Variants in USP42 observed in about 807,000 individuals in gnomAD.
The protein encoded by USP42 is ubiquitin carboxyl-terminal hydrolase 42.
USP42 carries 23 observed loss-of-function variants against 113.0 expected under a neutral mutation model. The observed-to-expected ratio is 0.20, with a 90% CI of 0.15 to 0.29. USP42 has a LOEUF of 0.29. USP42 is among the 10% of genes least tolerant of loss of function. The pLI, the probability that USP42 is intolerant of heterozygous loss-of-function variation, is 1.00. For missense variants in USP42, 2,174 were observed against 1,779.8 expected (o/e 1.22, Z -3.99); for synonymous variants, 933 against 699.0 (o/e 1.33, Z -5.28).
Position 6,146,143 on chromosome 7 carries a change from T to C in USP42, c.1132-5T>C, listed in dbSNP as rs1473065588. ...TCTCTCTCTTTTATTGGCTCTCATT[T>C]ATAGGCTAGCAATGGCCTCTGGTAT... On this transcript the variant is annotated splice_region_variant and splice_polypyrimidine_tract_variant and intron_variant, in intron 10 of 17. Transcript: ENST00000306177. 6.4e-7 allele frequency: 1 copy of C among 1,562,562 alleles called. No individual in the cohort carries two copies. Among genetic ancestry groups the C allele is most frequent in the South Asian group, 1.2e-5 (1 of 84,554 alleles).
At chr7:6,127,454 T>G (rs1780601754) in intron 3 of USP42, among the ~76,000 whole-genome samples, 1 of 147,340 alleles carries the variant, frequency 6.8e-6, no homozygotes, top group African/African-American at 2.5e-5. Context: ...CCATTTTGAG[T>G]TTTTTTTTTT....
intron 4 of USP42, among the ~76,000 whole-genome samples, chr7:6,136,317 T>C (rs973989002): frequency 2.6e-5 from 4 of 152,176 alleles, no homozygotes; most frequent in Non-Finnish European, 5.9e-5. Context: ...TACCTAGTTA[T>C]TCTTAATGTC....
At chr7:6,141,440 G>C (rs1219013336) in intron 7 of USP42, among the ~76,000 whole-genome samples, 1 of 151,914 alleles carries the variant, frequency 6.6e-6, no homozygotes, top group Non-Finnish European at 1.5e-5. Flanking sequence ...TTGACCTCGT[G>C]ATCTGCCCAC....
intron 3 of USP42, among the ~76,000 whole-genome samples, chr7:6,129,559 GAA>G (rs34404773): frequency 1.8e-4 from 19 of 103,264 alleles, no homozygotes; most frequent in Admixed American, 3.2e-4. Context: ...TCTGCCTCAG[GAA>G]AAAAAAAAAA....
rs1782544877 is a variant in USP42, at chr7:6,157,739, G to A, written c.3943+684G>A. Among the ~76,000 whole-genome samples the A allele has an allele frequency of 2.6e-5, 4 of 152,180 alleles. No individual in the cohort carries two copies. Among genetic ancestry groups the A allele is most frequent in the Non-Finnish European group, 4.4e-5 (3 of 68,040 alleles). On this transcript the variant is annotated intron_variant, in intron 16 of 17. Coordinates refer to ENST00000306177, the MANE Select transcript of USP42 (RefSeq NM_032172.3). The surrounding 1 kb of genome is among the most constrained non-coding windows in gnomAD (Gnocchi z 4.1). Reference sequence around the variant, plus strand: ...CCTGATGCTCGGTACTGATTTGCTCGCTTGGTTCCTTAGAAGCGTGGGCAC... The same window carrying A: ...CCTGATGCTCGGTACTGATTTGCTCACTTGGTTCCTTAGAAGCGTGGGCAC...
chr7:6,150,542 C>T, intron 14 of USP42, 36 bp downstream of exon 14: 2 of 1,583,040 alleles, frequency 1.3e-6, no homozygotes, highest in African/African-American at 1.3e-5. Context: ...CGTGTGGCAG[C>T]ATAGTAGGAA....
intron 11 of USP42, 62 bp from the exon 12 acceptor site, chr7:6,147,677 A>G: frequency 6.7e-7 from 1 of 1,486,838 alleles, no homozygotes; most frequent in Non-Finnish European, 9.0e-7. Flanking sequence ...TTGACTTTGT[A>G]AATGAATCTC....
intron 8 of USP42, 24 bp from the exon 9 acceptor site, chr7:6,144,061 A>G: frequency 6.9e-7 from 1 of 1,447,120 alleles, no homozygotes; most frequent in South Asian, 1.3e-5. Context: ...GTCTTCTTAT[A>G]CTTTTGTTTC....
intron 3 of USP42, among the ~76,000 whole-genome samples, chr7:6,134,852 C>G (rs1382682322): frequency 6.6e-6 from 1 of 152,160 alleles, no homozygotes; most frequent in Non-Finnish European, 1.5e-5. Flanking sequence ...GTGGTGTGAT[C>G]ACAGCTTACT....
the USP42 span, among the ~76,000 whole-genome samples, chr7:6,093,364 C>T: frequency 2.0e-5 from 3 of 150,206 alleles, no homozygotes; most frequent in Non-Finnish European, 4.4e-5. Flanking sequence ...CAGCTCACTG[C>T]AACCTCCACC....
upstream of USP42, among the ~76,000 whole-genome samples, chr7:6,102,234 GC>G (rs566421582): frequency 7.8e-4 from 115 of 147,730 alleles, 7 homozygotes; most frequent in African/African-American, 2.9e-3. Flanking sequence ...TCCTGCCTCA[GC>G]CTCCCAGTAG....
intron 3 of USP42, among the ~76,000 whole-genome samples, chr7:6,120,196 C>A (rs1780140590): frequency 6.6e-6 from 1 of 152,168 alleles, no homozygotes; most frequent in Non-Finnish European, 1.5e-5. Flanking sequence ...GATCTCCTGA[C>A]CTCATGATCT....
chr7:6,086,827 G>T, the USP42 span, among the ~76,000 whole-genome samples: 1 of 150,462 alleles, frequency 6.6e-6, no homozygotes, highest in Admixed American at 6.6e-5. Context: ...CCCAGTTCAA[G>T]CAATTCTCCT....
At position 6,158,994 on chromosome 7, in the gene USP42, G is replaced by A. The variant is rs569045757; in HGVS notation, c.3944-456G>A. On this transcript the variant is annotated intron_variant, in intron 16 of 17. Transcript: ENST00000306177. This position sits in a 1 kb window ranked among gnomAD's most constrained non-coding sequence, Gnocchi z 4.2. The stretch of plus-strand genomic sequence containing the variant: ...TCCCCGTCCCACTGCACCGATGACA[G>A]GGTTTGCAGCTGGCGCTTCTGCTGC... 4.4e-4 allele frequency among the ~76,000 whole-genome samples: 67 copies of A among 152,286 alleles called. No homozygotes were observed. The highest frequency in any genetic ancestry group is 8.8e-4 in the Non-Finnish European group (60 of 68,010).
At chr7:6,127,505 A>T (rs1206406492) in intron 3 of USP42, among the ~76,000 whole-genome samples, 1 of 150,388 alleles carries the variant, frequency 6.6e-6, no homozygotes, top group Admixed American at 6.6e-5. Flanking sequence ...TCTGGATGTC[A>T]TTTGCTCCAG....
chr7:6,101,052 T>TAAA (rs1562789574), upstream of USP42, among the ~76,000 whole-genome samples: 5 of 150,690 alleles, frequency 3.3e-5, no homozygotes, highest in Non-Finnish European at 7.4e-5. Context: ...CAATTTGGCC[T>TAAA]TGAGGGGAGC....
At position 6,153,922 on chromosome 7, in the gene USP42, G is replaced by A. The variant is rs1296416712; in HGVS notation, c.2368G>A (p.Ala790Thr). ...CGGCACCCCCGCTACCAAAGAAGGC[G>A]CCTGGGAGGCCATGGCCGTCGCCCC... ...DPGTPATKEG[A>T]WEAMAVAPEE... Residue 790 changes from alanine to threonine, a missense_variant, in exon 15 of 18, where the codon GCC (alanine) becomes ACC (threonine). Ala to Thr is a moderately conservative substitution (Grantham distance 58, BLOSUM62 0). Transcript: ENST00000306177. 5.0e-6 allele frequency: 8 copies of A among 1,600,390 alleles called. No homozygotes were observed. Among genetic ancestry groups the A allele is most frequent in the Admixed American group, 1.7e-5 (1 of 58,482 alleles).
chr7:6,105,676 G>C (rs1336812333), intron 1 of USP42, among the ~76,000 whole-genome samples: 1 of 152,246 alleles, frequency 6.6e-6, no homozygotes, highest in Admixed American at 6.5e-5. Context: ...GAGAGGAGAA[G>C]CCGGGTGGCG....
intron 3 of USP42, chr7:6,116,457 C>A (rs1415214874): frequency 4.9e-6 from 1 of 202,920 alleles, no homozygotes; most frequent in Non-Finnish European, 9.9e-6. Context: ...AAATATCCTT[C>A]ATTCTTTATA....
Sources: gnomAD v4.1 joint callset for allele counts (sites outside exome capture counted in the v4.1 genomes callset) on GRCh38, gnomAD v4.1.1 for gene constraint, Gnocchi (gnomAD v3.1) non-coding constraint, MANE v1.5 for transcripts, NCBI Gene and HGNC (gene_info 2026-07-23, HGNC 2026-07-21) for gene names.